Variants in DNAJC6 observed in about 807,000 individuals in gnomAD.
DNAJC6 encodes the protein auxilin.
DNAJC6 carries 34 observed loss-of-function variants against 110.0 expected under a neutral mutation model. That is an observed-to-expected ratio of 0.31 (90% CI 0.24 to 0.41). The LOEUF is 0.41. DNAJC6 is among the 10% of genes least tolerant of loss of function. The pLI, the probability that DNAJC6 is intolerant of heterozygous loss-of-function variation, is 1.00. For synonymous variants in DNAJC6, 406 were observed against 437.2 expected (o/e 0.93, Z 0.89); for missense variants, 1,031 against 1,207.8 (o/e 0.85, Z 2.17).
chr1:65,273,315 C>T (rs1308894426), intron 1 of DNAJC6, among the ~76,000 whole-genome samples: 2 of 152,018 alleles, frequency 1.3e-5, no homozygotes, highest in Admixed American at 1.3e-4. Context: ...ATCCTTTAAG[C>T]CGGCCAGGCG....
intron 12 of DNAJC6, among the ~76,000 whole-genome samples, chr1:65,393,455 T>C (rs937995880): frequency 1.3e-5 from 2 of 152,214 alleles, no homozygotes; most frequent in African/African-American, 4.8e-5. Flanking sequence ...TCTGAATATA[T>C]GTGGGCTATC....
chr1:65,331,557 A>G (rs1645288605), intron 1 of DNAJC6, among the ~76,000 whole-genome samples: 1 of 152,212 alleles, frequency 6.6e-6, no homozygotes, highest in African/African-American at 2.4e-5. Flanking sequence ...ATCTTAGTGC[A>G]CTGGAGCCTG....
intron 1 of DNAJC6, among the ~76,000 whole-genome samples, chr1:65,361,365 A>G (rs1235977485): frequency 1.3e-5 from 2 of 152,230 alleles, no homozygotes; most frequent in Non-Finnish European, 2.9e-5. Context: ...ATAGATGTCT[A>G]ATGGTGACTT....
At chr1:65,270,296 A>G (rs1255244145) in intron 1 of DNAJC6, among the ~76,000 whole-genome samples, 1 of 152,178 alleles carries the variant, frequency 6.6e-6, no homozygotes, top group African/African-American at 2.4e-5. Flanking sequence ...GTATATGTAT[A>G]TATATATACA....
intron 1 of DNAJC6, among the ~76,000 whole-genome samples, chr1:65,281,194 C>A (rs532658158): frequency 1.3e-5 from 2 of 152,066 alleles, no homozygotes; most frequent in African/African-American, 4.8e-5. Flanking sequence ...CCCAAAGTGA[C>A]GGGATTACAA....
At chr1:65,296,928 A>G (rs1026522694) in intron 1 of DNAJC6, among the ~76,000 whole-genome samples, 1 of 152,138 alleles carries the variant, frequency 6.6e-6, no homozygotes, top group Non-Finnish European at 1.5e-5. Flanking sequence ...TGTGTCAGGC[A>G]TGGAGTTAGG....
intron 12 of DNAJC6, 123 bp from the exon 13 acceptor site, chr1:65,394,775 C>T: frequency 2.5e-6 from 3 of 1,205,492 alleles, no homozygotes; most frequent in Non-Finnish European, 2.2e-6. Flanking sequence ...CAGACTACTC[C>T]TTTGTCCACA....
chr1:65,267,290 T>C (rs1208947908), intron 1 of DNAJC6, among the ~76,000 whole-genome samples: 7 of 152,188 alleles, frequency 4.6e-5, no homozygotes, highest in Admixed American at 4.6e-4. Flanking sequence ...TATAACTCAT[T>C]TGTGACCTAG....
At chr1:65,351,016 C>A (rs111967852) in intron 1 of DNAJC6, among the ~76,000 whole-genome samples, 6 of 152,284 alleles carry the variant, frequency 3.9e-5, no homozygotes, top group African/African-American at 1.2e-4. Context: ...CCCTCCAGCA[C>A]CCCTAATCCC....
At position 65,392,651 on chromosome 1, in the gene DNAJC6, A is replaced by G; in HGVS notation, c.1689A>G (p.Ala563=). The G allele has an allele frequency of 6.2e-7, 1 of 1,613,558 alleles. No individual in the cohort carries two copies. The highest frequency in any genetic ancestry group is 8.5e-7 in the Non-Finnish European group (1 of 1,179,732). The part of the protein sequence containing the change: ...DVDLLGLEGS[A]MSNSFSPPAA... ...ACCTTTTGGGCCTGGAAGGGTCTGC[A>G]ATGAGTAACAGCTTCTCTCCGCCAG... The change falls in exon 12 of 19, where the codon GCA becomes GCG. Residue 563 remains alanine (A), a synonymous_variant. Coordinates refer to ENST00000371069, the MANE Select transcript of DNAJC6 (RefSeq NM_001256864.2).
At chr1:65,337,300 T>C (rs1218364660) in intron 1 of DNAJC6, among the ~76,000 whole-genome samples, 1 of 24,378 alleles carries the variant, frequency 4.1e-5, no homozygotes, top group Non-Finnish European at 8.5e-5. Context: ...AATTCTTACT[T>C]TTTTTTTTTG....
At chr1:65,371,018 C>T (rs181950996) in intron 4 of DNAJC6, among the ~76,000 whole-genome samples, 1 of 152,240 alleles carries the variant, frequency 6.6e-6, no homozygotes, top group East Asian at 1.9e-4. Flanking sequence ...AAAAAACAAT[C>T]CCTGGCCTGG....
intron 1 of DNAJC6, among the ~76,000 whole-genome samples, chr1:65,275,568 T>G (rs1036353891): frequency 6.6e-6 from 1 of 152,202 alleles, no homozygotes; most frequent in African/African-American, 2.4e-5. Flanking sequence ...TTTATCCTGC[T>G]TGGGGTTTTC....
chr1:65,394,451 G>C (rs1181653965), intron 12 of DNAJC6, among the ~76,000 whole-genome samples: 2 of 152,146 alleles, frequency 1.3e-5, no homozygotes, highest in African/African-American at 4.8e-5. Context: ...TTGTAAAATG[G>C]GGATAATAGT....
At position 65,368,541 on chromosome 1, in the gene DNAJC6, C is replaced by T. The variant is rs140425847; in HGVS notation, c.543+2345C>T. On this transcript the variant is annotated intron_variant, in intron 4 of 18. Coordinates refer to ENST00000371069, the MANE Select transcript of DNAJC6 (RefSeq NM_001256864.2). ...TCTCCTTCCGTTTTCCTTCCCTTCT[C>T]CTTCCCTTCTCCTTCCTTCCTTCCT... 1.2e-3 allele frequency among the ~76,000 whole-genome samples: 179 copies of T among 150,410 alleles called. 1 individual carries two copies. In the East Asian group the frequency reaches 0.027, roughly 22 times the overall value.
intron 1 of DNAJC6, among the ~76,000 whole-genome samples, chr1:65,336,394 A>G (rs1292851332): frequency 6.6e-6 from 1 of 152,162 alleles, no homozygotes; most frequent in Non-Finnish European, 1.5e-5. Context: ...TCAAGATGAG[A>G]TTTGGGTGGG....
intron 1 of DNAJC6, among the ~76,000 whole-genome samples, chr1:65,286,706 A>G (rs975096078): frequency 6.6e-6 from 1 of 152,214 alleles, no homozygotes; most frequent in Non-Finnish European, 1.5e-5. Context: ...AATCTTAAGT[A>G]TACGAAACAG....
In DNAJC6 at chr1:65,388,612, C is replaced by T. The variant is rs1022511815; in HGVS notation, c.1193+197C>T. ...TTTATCTTCAGAAGTACAAAGGGAC[C>T]AAAGACTTCAAACAGAAAGTTCTAA... On this transcript the variant is annotated intron_variant, in intron 9 of 18. Transcript: ENST00000371069. Among the ~76,000 whole-genome samples, 8 of 152,226 alleles carry T rather than the reference C, an allele frequency of 5.3e-5. No homozygotes were observed. In the South Asian group the frequency reaches 8.3e-4, roughly 16 times the overall value.
At chr1:65,401,993 G>T in intron 15 of DNAJC6, 113 bp downstream of exon 15, 1 of 1,420,608 alleles carries the variant, frequency 7.0e-7, no homozygotes, top group Non-Finnish European at 9.5e-7. Context: ...ACCTCAAATA[G>T]TGTGTATTCT....
Sources: allele counts gnomAD v4.1 joint callset (sites outside exome capture counted in the v4.1 genomes callset), GRCh38; gene constraint gnomAD v4.1.1; transcripts MANE v1.5; gene names NCBI Gene and HGNC (gene_info 2026-07-23, HGNC 2026-07-21).